The following NT5E variants were observed in gnomAD, a reference collection of about 807,000 sequenced individuals.
The protein encoded by NT5E is 5'-nucleotidase.
NT5E carries 53 observed loss-of-function variants against 55.1 expected under a neutral mutation model. That is an observed-to-expected ratio of 0.96 (90% CI 0.77 to 1.21). The LOEUF is 1.21. NT5E is among the 50% of genes most tolerant of loss of function. The probability of loss-of-function intolerance (pLI) is 0.00; values close to 1 mark genes in which losing one functional copy is unlikely to be tolerated. For missense variants in NT5E, 683 were observed against 724.3 expected, an observed-to-expected ratio of 0.94 and a Z score of 0.65; for synonymous variants, 270 against 278.4, an observed-to-expected ratio of 0.97 and a Z score of 0.30.
At chr6:85,477,149 G>T (rs1021138726) in intron 3 of NT5E, among the ~76,000 whole-genome samples, 1 of 151,996 alleles carries the variant, frequency 6.6e-6, no homozygotes, top group African/African-American at 2.4e-5. Context: ...GAAAGCTCAA[G>T]TCTTTTGAAT....
rs1347153916 is a variant in NT5E, at chr6:85,494,490, C to A, written c.*486C>A. Reference sequence around the variant, plus strand: ...GGTTGACTTGACCATACAGCTAATGCTGACAGATCCAAGACCTAGACCTAG... The same window carrying A: ...GGTTGACTTGACCATACAGCTAATGATGACAGATCCAAGACCTAGACCTAG... On this transcript the variant is annotated 3_prime_UTR_variant, in exon 9 of 9. Transcript: ENST00000257770. The A allele has an allele frequency of 1.1e-5, 2 of 174,438 alleles. No homozygotes were observed. Among genetic ancestry groups the A allele is most frequent in the Non-Finnish European group, 2.5e-5 (2 of 81,242 alleles). The allele number at this position is 174,438 out of a possible 1,614,324, so 10.8% of individuals were successfully genotyped here.
In NT5E at chr6:85,454,523, C is replaced by T. The variant is rs1366204433; in HGVS notation, c.339+4045C>T. ...TTTGGTATTTTTTAAATTGGGTTAG[C>T]TTTATATTTTTTGACTTTCAGGAGT... On this transcript the variant is annotated intron_variant, in intron 1 of 8. Coordinates refer to ENST00000257770, the MANE Select transcript of NT5E (RefSeq NM_002526.4). Among the ~76,000 whole-genome samples the T allele has an allele frequency of 1.3e-5, 2 of 152,038 alleles. 1 individual carries two copies. Among genetic ancestry groups the T allele is most frequent in the South Asian group, 4.1e-4 (2 of 4,824 alleles).
intron 1 of NT5E, among the ~76,000 whole-genome samples, chr6:85,456,072 A>G (rs184206677): frequency 6.6e-6 from 1 of 152,324 alleles, no homozygotes; most frequent in Non-Finnish European, 1.5e-5. Flanking sequence ...TAGATGGGCT[A>G]CAGATTGAGT....
At chr6:85,459,778 T>G (rs1413527468) in intron 1 of NT5E, among the ~76,000 whole-genome samples, 1 of 152,254 alleles carries the variant, frequency 6.6e-6, no homozygotes, top group Non-Finnish European at 1.5e-5. Flanking sequence ...TATTTGTCAA[T>G]ATTTACATTT....
At chr6:85,493,084 G>C (rs1769820721) in intron 8 of NT5E, among the ~76,000 whole-genome samples, 3 of 152,204 alleles carry the variant, frequency 2.0e-5, no homozygotes, top group Admixed American at 2.0e-4. Context: ...AAGGATGTTA[G>C]AGAGAGGAGC....
chr6:85,451,507 TA>T (rs202158710), intron 1 of NT5E, among the ~76,000 whole-genome samples: 21 of 149,260 alleles, frequency 1.4e-4, no homozygotes, highest in East Asian at 2.0e-4. Context: ...ATATGGTGGT[TA>T]AAAAAAAAAT....
rs1769207375 is a variant in NT5E, at chr6:85,466,952, C to T, written c.340-108C>T. The T allele has an allele frequency of 1.4e-5, 15 of 1,090,870 alleles. No individual in the cohort carries two copies. The South Asian group carries it at 2.0e-4, about 15-fold the overall frequency. 67.6% of individuals were successfully genotyped at this position (1,090,870 alleles called of 1,614,324 possible). ...GGGCCTGACCCAGGTGAGGAGGACACAAAATCATGCAATATGTCTCATAGA... is the reference window on the plus strand; with the variant it reads ...GGGCCTGACCCAGGTGAGGAGGACATAAAATCATGCAATATGTCTCATAGA... On this transcript the variant is annotated intron_variant, in intron 1 of 8. Coordinates refer to ENST00000257770, the MANE Select transcript of NT5E (RefSeq NM_002526.4).
At chr6:85,454,823 T>C (rs1768956582) in intron 1 of NT5E, among the ~76,000 whole-genome samples, 4 of 152,232 alleles carry the variant, frequency 2.6e-5, no homozygotes, top group Admixed American at 2.0e-4. Context: ...TCTGTGGCTA[T>C]GCAATTCACT....
At chr6:85,489,710 T>A in intron 6 of NT5E, 111 bp downstream of exon 6, 1 of 772,796 alleles carries the variant, frequency 1.3e-6, no homozygotes, top group South Asian at 1.5e-5. Context: ...TCATCTCTGC[T>A]GCCAGCCATG....
intron 7 of NT5E, chr6:85,491,172 G>T: frequency 2.1e-6 from 1 of 480,080 alleles, no homozygotes. Flanking sequence ...TGGGCACAGG[G>T]AGAAAACCTT....
intron 4 of NT5E, among the ~76,000 whole-genome samples, chr6:85,486,761 T>G (rs1769673491): frequency 6.6e-6 from 1 of 152,252 alleles, no homozygotes; most frequent in Non-Finnish European, 1.5e-5. Flanking sequence ...AGCAATAGTT[T>G]CAGGGCGTCT....
At chr6:85,458,080 G>C (rs1427031754) in intron 1 of NT5E, among the ~76,000 whole-genome samples, 2 of 152,220 alleles carry the variant, frequency 1.3e-5, no homozygotes, top group Non-Finnish European at 2.9e-5. Context: ...TAAGAAGAGA[G>C]ACAAGTGCTT....
chr6:85,470,322 T>A (rs1314557514), intron 2 of NT5E, among the ~76,000 whole-genome samples: 1 of 152,194 alleles, frequency 6.6e-6, no homozygotes, highest in East Asian at 1.9e-4. Context: ...AGGCTATCGT[T>A]TGTTACCACT....
At chr6:85,478,259 A>G (rs1769475485) in intron 3 of NT5E, among the ~76,000 whole-genome samples, 1 of 152,190 alleles carries the variant, frequency 6.6e-6, no homozygotes, top group Admixed American at 6.5e-5. Flanking sequence ...GCTTTCCAAG[A>G]TGAAGTGAGA....
intron 1 of NT5E, among the ~76,000 whole-genome samples, chr6:85,455,815 T>C (rs1052300253): frequency 6.6e-6 from 1 of 152,210 alleles, no homozygotes; most frequent in African/African-American, 2.4e-5. Context: ...GTTTGTGTTT[T>C]CTGGAGTACT....
At chr6:85,479,248 T>C (rs575314784) in intron 3 of NT5E, among the ~76,000 whole-genome samples, 5 of 152,346 alleles carry the variant, frequency 3.3e-5, no homozygotes, top group Non-Finnish European at 7.3e-5. Flanking sequence ...ATCTTCTTAC[T>C]CTTAAACGAT....
intron 1 of NT5E, among the ~76,000 whole-genome samples, chr6:85,451,553 C>G (rs1768858136): frequency 6.6e-6 from 1 of 151,878 alleles, no homozygotes; most frequent in Non-Finnish European, 1.5e-5. Flanking sequence ...TGTGTAAAAG[C>G]CTTGAGTAAA....
At chr6:85,493,120 G>A (rs1348234404) in intron 8 of NT5E, among the ~76,000 whole-genome samples, 1 of 152,176 alleles carries the variant, frequency 6.6e-6, no homozygotes, top group Non-Finnish European at 1.5e-5. Context: ...AGGAAGCCCT[G>A]GACCTAAGCG....
At chr6:85,463,886 C>G (rs1769139776) in intron 1 of NT5E, among the ~76,000 whole-genome samples, 1 of 151,990 alleles carries the variant, frequency 6.6e-6, no homozygotes, top group Admixed American at 6.6e-5. Context: ...TAAGTATTTA[C>G]AAAGGAATTT....
Sources: gnomAD v4.1 joint callset for allele counts (sites outside exome capture counted in the v4.1 genomes callset) on GRCh38, gnomAD v4.1.1 for gene constraint, MANE v1.5 for transcripts, NCBI Gene and HGNC (gene_info 2026-07-23, HGNC 2026-07-21) for gene names.